The following ATP6V1E1 variants were observed in gnomAD, a reference collection of about 807,000 sequenced individuals.
ATP6V1E1 encodes ATPase H+ transporting V1 subunit E1.
Under a neutral mutation model 35.2 loss-of-function variants are expected in ATP6V1E1, and 21 were observed. The ratio of observed to expected loss-of-function variants is 0.60; its 90% confidence interval spans 0.42 to 0.86. The LOEUF (loss-of-function observed/expected upper bound fraction) is 0.86. ATP6V1E1 is among the 40% of genes least tolerant of loss of function. The pLI is 0.00. For synonymous variants in ATP6V1E1, 83 were observed against 87.8 expected (o/e 0.95, Z 0.30); for missense variants, 183 against 272.6 (o/e 0.67, Z 2.32).
chr22:17,606,396 G>A (rs1437115876), intron 4 of ATP6V1E1, among the ~76,000 whole-genome samples: 4 of 152,078 alleles, frequency 2.6e-5, no homozygotes, highest in Non-Finnish European at 5.9e-5. Flanking sequence ...CTGTTTGATC[G>A]GTATCATTTC....
chr22:17,599,539 T>C (rs2057750893), intron 6 of ATP6V1E1, among the ~76,000 whole-genome samples: 1 of 135,660 alleles, frequency 7.4e-6, no homozygotes, highest in African/African-American at 2.8e-5. Context: ...ATCGCACCAT[T>C]GCACTCCAGC....
intron 4 of ATP6V1E1, among the ~76,000 whole-genome samples, chr22:17,602,472 T>A (rs1394975024): frequency 6.6e-6 from 1 of 152,096 alleles, no homozygotes; most frequent in African/African-American, 2.4e-5. Context: ...CCTCCCGGGT[T>A]CAAGCAATTC....
At chr22:17,617,210 G>A (rs966037602) in intron 2 of ATP6V1E1, among the ~76,000 whole-genome samples, 1 of 152,146 alleles carries the variant, frequency 6.6e-6, no homozygotes. Context: ...TTTATTTCTA[G>A]AGTACCAGGC....
intron 4 of ATP6V1E1, among the ~76,000 whole-genome samples, chr22:17,602,029 T>C (rs1341649768): frequency 1.3e-5 from 2 of 152,132 alleles, no homozygotes; most frequent in Non-Finnish European, 2.9e-5. Flanking sequence ...TTCAACCTCC[T>C]CAATATCTGG....
At chr22:17,602,315 G>T (rs2057765585) in intron 4 of ATP6V1E1, among the ~76,000 whole-genome samples, 1 of 151,934 alleles carries the variant, frequency 6.6e-6, no homozygotes, top group African/African-American at 2.4e-5. Context: ...ATCTCATATG[G>T]CTGAGAACAC....
intron 1 of ATP6V1E1, among the ~76,000 whole-genome samples, chr22:17,627,344 G>A (rs1341216756): frequency 1.3e-5 from 2 of 150,512 alleles, no homozygotes; most frequent in East Asian, 2.0e-4. Flanking sequence ...GGCCAGGCTC[G>A]TCTCGAACTC....
At chr22:17,623,981 T>C (rs1452784861) in intron 1 of ATP6V1E1, among the ~76,000 whole-genome samples, 1 of 152,216 alleles carries the variant, frequency 6.6e-6, no homozygotes, top group Non-Finnish European at 1.5e-5. Context: ...AAACAGTTTC[T>C]TCTTCCTGCT....
intron 8 of ATP6V1E1, 64 bp downstream of exon 8, chr22:17,594,465 C>T (rs537624234): frequency 3.4e-5 from 42 of 1,250,302 alleles, no homozygotes; most frequent in South Asian, 3.3e-4. Flanking sequence ...TGAATGGACA[C>T]GTGTTCTCTG....
chr22:17,618,119 C>G (rs529528710), intron 2 of ATP6V1E1, among the ~76,000 whole-genome samples: 1 of 152,224 alleles, frequency 6.6e-6, no homozygotes, highest in South Asian at 2.1e-4. Flanking sequence ...CCAAACTTTA[C>G]TTTTTTGCAA....
intron 4 of ATP6V1E1, among the ~76,000 whole-genome samples, chr22:17,601,896 C>T (rs922922287): frequency 5.1e-5 from 7 of 138,388 alleles, no homozygotes; most frequent in African/African-American, 1.9e-4. Context: ...CATGAGCCAC[C>T]GCCCTCAGCC....
intron 4 of ATP6V1E1, among the ~76,000 whole-genome samples, chr22:17,611,781 C>T (rs2057816748): frequency 2.0e-5 from 3 of 152,206 alleles, no homozygotes; most frequent in Admixed American, 1.3e-4. Context: ...TCCATCAACA[C>T]TAACACTGCT....
chr22:17,594,527 A>C lies in ATP6V1E1; in HGVS notation c.618+2T>G, dbSNP rs751944912. 1 of 1,574,962 alleles carries C rather than the reference A, an allele frequency of 6.3e-7. No individual in the cohort carries two copies. The highest frequency in any genetic ancestry group is 1.9e-5 in the Admixed American group (1 of 53,480). ...ACTACCAAGAAGTACCCCCACACTC[A>C]CCTGCTGGGCTATGAGATCCAGCCG... is the stretch of plus-strand genomic sequence containing the variant. On this transcript the variant is annotated splice_donor_variant, in intron 8 of 8. Coordinates refer to ENST00000253413, the MANE Select transcript of ATP6V1E1 (RefSeq NM_001696.4). LOFTEE classifies it high-confidence loss of function.
At position 17,608,799 on chromosome 22, in the gene ATP6V1E1, T is replaced by A. The variant is rs147526218; in HGVS notation, c.276+4013A>T. 2.1e-3 allele frequency among the ~76,000 whole-genome samples: 318 copies of A among 152,232 alleles called. 3 individuals are homozygous for A. Among genetic ancestry groups the A allele is most frequent in the African/African-American group, 6.8e-3 (282 of 41,548 alleles). On this transcript the variant is annotated intron_variant, in intron 4 of 8. Transcript: ENST00000253413. ...TATCCTAAGTTGAAATTAAAACACA[T>A]TCATTGGCCGGGAGCAGTGGCTCAC...
Position 17,594,071 on chromosome 22 carries a change from A to G in ATP6V1E1, c.618+458T>C, listed in dbSNP as rs527685306. Among the ~76,000 whole-genome samples, 797 of 152,228 alleles carry G rather than the reference A, an allele frequency of 5.2e-3. 2 individuals carry two copies. Among genetic ancestry groups the G allele is most frequent in the Middle Eastern group, 0.017 (5 of 292 alleles). ...TACAAAATTAGCCGGGTGTGGTGGC[A>G]GGTGCCTGTAATCCCAGCTACTCGG... On this transcript the variant is annotated intron_variant, in intron 8 of 8. Transcript: ENST00000253413.
chr22:17,595,767 G>A (rs2057728699), intron 7 of ATP6V1E1, among the ~76,000 whole-genome samples: 1 of 150,908 alleles, frequency 6.6e-6, no homozygotes, highest in Admixed American at 6.6e-5. Context: ...GTTGCAGCAA[G>A]CCGAGATCAC....
chr22:17,596,975 G>C lies in ATP6V1E1; in HGVS notation c.530+1219C>G, dbSNP rs567540972. ...TGTGTCCAAGGCACCAGGCATGGTG[G>C]CTCACGCCTGTAATCCCAGCACTTT... On this transcript the variant is annotated intron_variant, in intron 7 of 8. Coordinates refer to ENST00000253413, the MANE Select transcript of ATP6V1E1 (RefSeq NM_001696.4). Among the ~76,000 whole-genome samples the C allele has an allele frequency of 5.0e-3, 755 of 152,128 alleles. 13 individuals are homozygous for C. Among genetic ancestry groups the C allele is most frequent in the African/African-American group, 0.017 (723 of 41,398 alleles).
chr22:17,594,874 T>C lies in ATP6V1E1; in HGVS notation c.531-258A>G, dbSNP rs5747247. The C allele has an allele frequency of 0.14, 36,210 of 259,356 alleles. 3,054 individuals carry two copies. The highest frequency in any genetic ancestry group is 0.18 in the Non-Finnish European group (24,687 of 137,206). 16.1% of individuals were successfully genotyped at this position (259,356 alleles called of 1,614,324 possible). On this transcript the variant is annotated intron_variant, in intron 7 of 8. Coordinates refer to ENST00000253413, the MANE Select transcript of ATP6V1E1 (RefSeq NM_001696.4). ...CAACCATCACACATCCTCCCCTATA[T>C]TGCAAATCATGTCTACAGCACTTAA...
chr22:17,624,970 A>G (rs549165951), intron 1 of ATP6V1E1, among the ~76,000 whole-genome samples: 3 of 152,312 alleles, frequency 2.0e-5, no homozygotes, highest in African/African-American at 7.2e-5. Context: ...TGTGGCCACT[A>G]AGAGTATATG....
Position 17,598,241 on chromosome 22 carries a change from G to A in ATP6V1E1, c.483C>T (p.Asn161=), listed in dbSNP as rs769849183. The A allele has an allele frequency of 9.3e-6, 15 of 1,613,918 alleles. No homozygotes were observed. Among genetic ancestry groups the A allele is most frequent in the African/African-American group, 5.3e-5 (4 of 74,880 alleles). ...AIPMYKIATK[N]DVDVQIDQES... is the part of the protein sequence containing the mutation. ...CCTGGTCAATTTGGACATCAACATC[G>A]TTTTTGGTGGCAATTTTGTACATAG... Residue 161 remains asparagine (N), a synonymous_variant, in exon 7 of 9, where the codon AAC becomes AAT. Transcript: ENST00000253413.
Sources: gnomAD v4.1 joint callset for allele counts (sites outside exome capture counted in the v4.1 genomes callset) on GRCh38, gnomAD v4.1.1 for gene constraint, MANE v1.5 for transcripts, NCBI Gene and HGNC (gene_info 2026-07-23, HGNC 2026-07-21) for gene names.